The following HDAC4 variants were observed in gnomAD, a reference collection of about 807,000 sequenced individuals.
HDAC4 encodes the protein histone deacetylase 4, also known as histone deacetylase A.
HDAC4 carries 16 observed loss-of-function variants against 135.1 expected under a neutral mutation model. The ratio of observed to expected loss-of-function variants is 0.12; its 90% CI spans 0.08 to 0.18. HDAC4 has a LOEUF of 0.18. Among genes scored for constraint, HDAC4 ranks in the 10% least tolerant of loss-of-function variants. The pLI, the probability that HDAC4 is intolerant of heterozygous loss-of-function variation, is 1.00. For missense variants in HDAC4, 1,143 were observed against 1,511.8 expected, an observed-to-expected ratio of 0.76 and a Z score of 4.05; for synonymous variants, 685 against 653.4, an observed-to-expected ratio of 1.05 and a Z score of -0.74.
intron 1 of HDAC4, among the ~76,000 whole-genome samples, chr2:239,389,199 G>A (rs909255307): frequency 5.9e-5 from 9 of 152,170 alleles, no homozygotes; most frequent in Admixed American, 3.3e-4. Flanking sequence ...TCAGTAGGAC[G>A]TGGGTGGGGA....
In HDAC4 at chr2:239,051,732, A is replaced by G. The variant is rs773389856; in HGVS notation, c.*1365T>C. On this transcript the variant is annotated 3_prime_UTR_variant, in exon 27 of 27. Transcript: ENST00000543185. ...GTGTTGGCGATCTGAAATCTAGCCAATCTGGAGCTTGAGAAAACATGAATT... is the reference window on the plus strand; with the variant it reads ...GTGTTGGCGATCTGAAATCTAGCCAGTCTGGAGCTTGAGAAAACATGAATT... 3 of 152,538 alleles carry G rather than the reference A, an allele frequency of 2.0e-5. No homozygotes were observed. Among genetic ancestry groups the G allele is most frequent in the Non-Finnish European group, 2.9e-5 (2 of 68,026 alleles). 9.4% of individuals were successfully genotyped at this position (152,538 alleles called of 1,614,324 possible). A position where few individuals can be genotyped will look rare whatever the true frequency, so the allele number is the denominator to read the frequency against.
chr2:239,244,454 CGT>C (rs2048360728), intron 2 of HDAC4, among the ~76,000 whole-genome samples: 1 of 152,044 alleles, frequency 6.6e-6, no homozygotes, highest in Admixed American at 6.5e-5. Flanking sequence ...CTCCACACGG[CGT>C]GTGAGTCAAT....
rs898028984 is a variant in HDAC4, at chr2:239,052,843, G to A, written c.*254C>T. ...CCGCCAGAGTGTGCTTGGCTTCCGC[G>A]TGTCCGTGTGTCTGCGCGTCGCCGG... On this transcript the variant is annotated 3_prime_UTR_variant, in exon 27 of 27. Transcript: ENST00000543185. 2.0e-5 allele frequency: 11 copies of A among 547,500 alleles called. No homozygotes were observed. Among genetic ancestry groups the A allele is most frequent in the African/African-American group, 3.8e-5 (2 of 52,848 alleles). The allele number at this position is 547,500 out of a possible 1,614,324, so 33.9% of individuals were successfully genotyped here. A position where few individuals can be genotyped will look rare whatever the true frequency, so the allele number is the denominator to read the frequency against.
chr2:239,065,876 A>G (rs2033406136), intron 24 of HDAC4, among the ~76,000 whole-genome samples: 1 of 152,214 alleles, frequency 6.6e-6, no homozygotes, highest in African/African-American at 2.4e-5. Context: ...TGTCTTGGGG[A>G]TCTGGACTCA....
At chr2:239,099,920 A>T (rs2037460358) in intron 16 of HDAC4, among the ~76,000 whole-genome samples, 1 of 152,220 alleles carries the variant, frequency 6.6e-6, no homozygotes, top group Admixed American at 6.5e-5. Context: ...GAACAGCTGG[A>T]GGGTGAAAGC....
At chr2:239,117,717 C>G (rs1362398547) in intron 12 of HDAC4, among the ~76,000 whole-genome samples, 3 of 152,122 alleles carry the variant, frequency 2.0e-5, no homozygotes, top group African/African-American at 7.2e-5. Flanking sequence ...CCCAAAGTCC[C>G]AGATCGAGGG....
chr2:239,277,236 C>T lies in HDAC4; in HGVS notation c.23-40572G>A, dbSNP rs567616339. 2.8e-4 allele frequency among the ~76,000 whole-genome samples: 43 copies of T among 152,310 alleles called. No individual in the cohort carries two copies. In the South Asian group the frequency reaches 8.3e-3, roughly 29 times the overall value. ...ACAACCATGCTCCCAGAGCCGAGCCCGGTGAGCTCAGCTTCTGAAGCTCCC... is the reference window on the plus strand; with the variant it reads ...ACAACCATGCTCCCAGAGCCGAGCCTGGTGAGCTCAGCTTCTGAAGCTCCC... On this transcript the variant is annotated intron_variant, in intron 2 of 26. Transcript: ENST00000543185.
chr2:239,061,997 A>G (rs1435099439), intron 24 of HDAC4, among the ~76,000 whole-genome samples: 1 of 152,210 alleles, frequency 6.6e-6, no homozygotes, highest in Non-Finnish European at 1.5e-5. Flanking sequence ...TGGGCCACAG[A>G]TCCCCGTGGC....
intron 3 of HDAC4, among the ~76,000 whole-genome samples, chr2:239,195,065 G>A (rs1275843261): frequency 6.6e-6 from 1 of 152,226 alleles, no homozygotes; most frequent in Non-Finnish European, 1.5e-5. Flanking sequence ...CACTGGCACA[G>A]TGCAGCCAGA....
chr2:239,267,599 G>A (rs941533337), intron 2 of HDAC4, among the ~76,000 whole-genome samples: 11 of 152,274 alleles, frequency 7.2e-5, no homozygotes, highest in Non-Finnish European at 1.3e-4. Flanking sequence ...CCACAGCTCC[G>A]TGACACTTCC....
At chr2:239,341,398 G>A (rs1393238225) in intron 2 of HDAC4, among the ~76,000 whole-genome samples, 3 of 152,242 alleles carry the variant, frequency 2.0e-5, no homozygotes, top group Non-Finnish European at 4.4e-5. Flanking sequence ...GACAGGGCTG[G>A]AAGAATCAGC....
At chr2:239,242,230 A>AAGGGAGGGAGGG (rs142708646) in intron 2 of HDAC4, among the ~76,000 whole-genome samples, 116 of 99,272 alleles carry the variant, frequency 1.2e-3, no homozygotes, top group African/African-American at 2.6e-3. Flanking sequence ...GAAGGAGGGG[A>AAGGGAGGGAGGG]AGGGAGGGAG....
intron 4 of HDAC4, among the ~76,000 whole-genome samples, chr2:239,182,040 A>T (rs989533740): frequency 6.6e-6 from 1 of 152,202 alleles, no homozygotes; most frequent in African/African-American, 2.4e-5. Flanking sequence ...TCCCTCTACC[A>T]GGACAAACAT....
chr2:239,376,738 CCA>C (rs1553614996), intron 1 of HDAC4, among the ~76,000 whole-genome samples: 1 of 151,980 alleles, frequency 6.6e-6, no homozygotes, highest in Non-Finnish European at 1.5e-5. Context: ...GATTAAAAAG[CCA>C]CAGTGCTCAA....
At chr2:239,258,892 C>G (rs1173709507) in intron 2 of HDAC4, among the ~76,000 whole-genome samples, 2 of 152,092 alleles carry the variant, frequency 1.3e-5, no homozygotes, top group African/African-American at 4.8e-5. Flanking sequence ...AGAACATAAA[C>G]TAAAAAAATT....
At chr2:239,347,343 G>T (rs1048156609) in intron 2 of HDAC4, among the ~76,000 whole-genome samples, 1 of 152,192 alleles carries the variant, frequency 6.6e-6, no homozygotes, top group Non-Finnish European at 1.5e-5. Flanking sequence ...CTCAACAGTG[G>T]TCTGAAGCAA....
intron 2 of HDAC4, among the ~76,000 whole-genome samples, chr2:239,268,303 C>T (rs1339936205): frequency 1.3e-5 from 2 of 152,224 alleles, no homozygotes; most frequent in South Asian, 2.1e-4. Context: ...CAGCCCTAGG[C>T]AGGCCTGTCC....
intron 2 of HDAC4, among the ~76,000 whole-genome samples, chr2:239,321,858 G>A (rs751152958): frequency 6.6e-6 from 1 of 152,194 alleles, no homozygotes; most frequent in African/African-American, 2.4e-5. Flanking sequence ...TGGCACATCC[G>A]GTTGTTAAGG....
At chr2:239,348,599 C>T (rs908614788) in intron 2 of HDAC4, among the ~76,000 whole-genome samples, 1 of 152,228 alleles carries the variant, frequency 6.6e-6, no homozygotes, top group Non-Finnish European at 1.5e-5. Context: ...CGTGGGCTTT[C>T]CGTCCACACT....
Sources: gnomAD v4.1 joint callset for allele counts (sites outside exome capture counted in the v4.1 genomes callset) on GRCh38, gnomAD v4.1.1 for gene constraint, MANE v1.5 for transcripts, NCBI Gene and HGNC (gene_info 2026-07-23, HGNC 2026-07-21) for gene names.